The following CTBP2 variants were observed in gnomAD, a reference collection of about 807,000 sequenced individuals.
The protein encoded by CTBP2 is C-terminal-binding protein 2.
Under a neutral mutation model 80.3 loss-of-function variants are expected in CTBP2, and 30 were observed. The ratio of observed to expected loss-of-function variants is 0.37; its 90% CI spans 0.28 to 0.51. The LOEUF (loss-of-function observed/expected upper bound fraction) is 0.51. CTBP2 is among the 20% of genes least tolerant of loss of function. The pLI is 0.93. For synonymous variants in CTBP2, 594 were observed against 587.4 expected (o/e 1.01, Z -0.16); for missense variants, 1,212 against 1,375.3 (o/e 0.88, Z 1.88).
At chr10:125,015,011 G>A (rs1956326413) in intron 1 of CTBP2, among the ~76,000 whole-genome samples, 2 of 152,222 alleles carry the variant, frequency 1.3e-5, no homozygotes, top group South Asian at 4.1e-4. Context: ...ACTCTGCGGT[G>A]TGGAGGATGT....
At chr10:124,990,965 A>T (rs1259792460) in intron 8 of CTBP2, among the ~76,000 whole-genome samples, 1 of 152,216 alleles carries the variant, frequency 6.6e-6, no homozygotes, top group Non-Finnish European at 1.5e-5. Flanking sequence ...ATGCTACTCA[A>T]TTATGGCAGC....
chr10:125,108,534 C>T (rs983037453), intron 2 of CTBP2, among the ~76,000 whole-genome samples: 1 of 152,152 alleles, frequency 6.6e-6, no homozygotes, highest in African/African-American at 2.4e-5. Flanking sequence ...CCCACATGAC[C>T]TCCTTGTGTT....
At chr10:125,071,912 G>A (rs1196489186) in intron 2 of CTBP2, among the ~76,000 whole-genome samples, 2 of 152,072 alleles carry the variant, frequency 1.3e-5, no homozygotes, top group Admixed American at 6.6e-5. Context: ...GGAATGGGCC[G>A]GAACAGTCAG....
At chr10:125,029,429 C>A (rs2949370), upstream of CTBP2, among the ~76,000 whole-genome samples, 142,322 of 152,024 alleles carry the variant, frequency 0.94, 66,941 homozygotes, top group Non-Finnish European at 0.98. Flanking sequence ...TTTAGTAGAG[C>A]CTACCATGTC....
At chr10:125,080,800 C>T (rs575141218) in intron 2 of CTBP2, among the ~76,000 whole-genome samples, 2 of 152,230 alleles carry the variant, frequency 1.3e-5, no homozygotes, top group South Asian at 4.2e-4. Flanking sequence ...ATAGGAGTCT[C>T]TGAACTCAAC....
At chr10:125,020,313 G>C (rs1956910370) in intron 1 of CTBP2, among the ~76,000 whole-genome samples, 1 of 152,138 alleles carries the variant, frequency 6.6e-6, no homozygotes, top group Admixed American at 6.5e-5. Context: ...GGGATGGGAT[G>C]GGGACAGCAC....
At chr10:125,020,343 C>T (rs2885939) in intron 1 of CTBP2, among the ~76,000 whole-genome samples, 1 of 152,076 alleles carries the variant, frequency 6.6e-6, no homozygotes, top group Non-Finnish European at 1.5e-5. Context: ...AAACTATTAT[C>T]TAGAAACTGA....
chr10:125,050,053 A>G (rs1962334846), intron 2 of CTBP2, among the ~76,000 whole-genome samples: 1 of 123,042 alleles, frequency 8.1e-6, no homozygotes, highest in Admixed American at 7.9e-5. Context: ...CTTCATTTCA[A>G]CTAAGGCATC....
chr10:125,010,207 C>T (rs1405289003), intron 1 of CTBP2, among the ~76,000 whole-genome samples: 1 of 117,896 alleles, frequency 8.5e-6, no homozygotes, highest in Admixed American at 1.0e-4. Context: ...AAGAGTGGCA[C>T]TATTTTAAGG....
chr10:125,019,177 T>A lies in CTBP2; in HGVS notation c.1678+6905A>T, dbSNP rs118152287. Among the ~76,000 whole-genome samples the A allele has an allele frequency of 8.0e-3, 1,221 of 152,336 alleles. 9 individuals are homozygous for A. Among genetic ancestry groups the A allele is most frequent in the Non-Finnish European group, 0.014 (978 of 68,024 alleles). On this transcript the variant is annotated intron_variant, in intron 1 of 8. Coordinates refer to ENST00000309035, the MANE Select transcript of CTBP2 (RefSeq NM_022802.3). ...GAACGAAGGCTAGTTTTTTTATCCTTTATGTAAAAAACAACTAGAAAGCCC... is the reference window on the plus strand; with the variant it reads ...GAACGAAGGCTAGTTTTTTTATCCTATATGTAAAAAACAACTAGAAAGCCC...
intron 1 of CTBP2, among the ~76,000 whole-genome samples, chr10:125,152,480 G>A (rs1381241498): frequency 1.3e-5 from 2 of 152,220 alleles, no homozygotes; most frequent in Non-Finnish European, 2.9e-5. Flanking sequence ...ACAGGAACAA[G>A]GAGGAAAAAC....
rs117926973 is a variant in CTBP2, at chr10:125,065,136, G to A, written c.-101-25981C>T. Among the ~76,000 whole-genome samples the A allele has an allele frequency of 2.8e-4, 43 of 152,270 alleles. 2 individuals carry two copies. The East Asian group carries it at 6.4e-3, about 23-fold the overall frequency. On this transcript the variant is annotated intron_variant, in intron 2 of 10. Coordinates refer to the CTBP2 transcript ENST00000337195. Reference sequence around the variant, plus strand: ...TTCCATGGGCTCCCCAAACCACTCTGCACAAAAACTGTGGTTGCGGAGGGG... The same window carrying A: ...TTCCATGGGCTCCCCAAACCACTCTACACAAAAACTGTGGTTGCGGAGGGG...
At chr10:125,076,589 C>T (rs961845608) in intron 2 of CTBP2, among the ~76,000 whole-genome samples, 24 of 152,164 alleles carry the variant, frequency 1.6e-4, no homozygotes, top group African/African-American at 5.6e-4. Context: ...TGAGAGGCAG[C>T]GCGCCTCTCC....
intron 1 of CTBP2, among the ~76,000 whole-genome samples, chr10:125,025,461 T>C (rs565378182): frequency 2.6e-5 from 4 of 152,320 alleles, no homozygotes; most frequent in South Asian, 4.1e-4. Flanking sequence ...TTCCCAACTG[T>C]ATTTTCTGAT....
At chr10:125,123,102 C>A (rs1269949386) in intron 1 of CTBP2, among the ~76,000 whole-genome samples, 2 of 152,206 alleles carry the variant, frequency 1.3e-5, no homozygotes, top group African/African-American at 4.8e-5. Context: ...AACTCCAGAA[C>A]TTTCTTTGAG....
At chr10:125,090,732 C>G (rs61476767) in intron 2 of CTBP2, among the ~76,000 whole-genome samples, 54 of 150,612 alleles carry the variant, frequency 3.6e-4, no homozygotes, top group African/African-American at 1.3e-3. Flanking sequence ...TCACCCTGGA[C>G]GACAGAGCAA....
At chr10:125,005,602 C>G (rs769616519) in intron 1 of CTBP2, 4 of 1,612,800 alleles carry the variant, frequency 2.5e-6, no homozygotes, top group Non-Finnish European at 3.4e-6. Flanking sequence ...CTGGATACCC[C>G]CTCAGCTCAT....
upstream of CTBP2, among the ~76,000 whole-genome samples, chr10:125,028,282 C>T (rs913231551): frequency 6.6e-6 from 1 of 152,186 alleles, no homozygotes; most frequent in African/African-American, 2.4e-5. Flanking sequence ...ACCCTGCCTC[C>T]CCCTCTGGAA....
chr10:125,090,499 A>C (rs982320446), intron 2 of CTBP2, among the ~76,000 whole-genome samples: 4 of 150,992 alleles, frequency 2.6e-5, no homozygotes, highest in African/African-American at 9.7e-5. Flanking sequence ...GTGGTGGCTC[A>C]CACCTGTAAT....
Sources: allele counts gnomAD v4.1 joint callset (sites outside exome capture counted in the v4.1 genomes callset), GRCh38; gene constraint gnomAD v4.1.1; transcripts MANE v1.5; gene names NCBI Gene and HGNC (gene_info 2026-07-23, HGNC 2026-07-21).